VTI1A: variants seen among roughly 807,000 people sequenced by gnomAD.
VTI1A encodes vesicle transport through interaction with t-SNAREs homolog 1A.
In VTI1A, 22 loss-of-function variants were observed where a neutral mutation model predicts 34.9. The observed-to-expected ratio is 0.63, with a 90% confidence interval of 0.45 to 0.90. The LOEUF (loss-of-function observed/expected upper bound fraction) is 0.90. Among genes scored for constraint, VTI1A ranks in the 40% least tolerant of loss-of-function variants. The probability of loss-of-function intolerance (pLI) is 0.00; values close to 1 mark genes in which losing one functional copy is unlikely to be tolerated. For missense variants in VTI1A, 268 were observed against 275.6 expected, an observed-to-expected ratio of 0.97 and a Z score of 0.20; for synonymous variants, 87 against 97.3, an observed-to-expected ratio of 0.89 and a Z score of 0.62.
intron 7 of VTI1A, among the ~76,000 whole-genome samples, chr10:112,798,554 A>G (rs563849871): frequency 6.6e-6 from 1 of 152,244 alleles, no homozygotes; most frequent in East Asian, 1.9e-4. Context: ...CTCCTAATTC[A>G]TGGGTGATTT....
chr10:112,510,756 G>A (rs904151450), intron 3 of VTI1A, among the ~76,000 whole-genome samples: 6 of 152,210 alleles, frequency 3.9e-5, no homozygotes, highest in Non-Finnish European at 1.5e-5. Context: ...ATTTTGAACT[G>A]ATAACTTTGA....
At chr10:112,848,019 A>C in the VTI1A span, among the ~76,000 whole-genome samples, 2 of 152,196 alleles carry the variant, frequency 1.3e-5, no homozygotes, top group Admixed American at 6.5e-5. Flanking sequence ...TGAGAAAAAA[A>C]ATAATAAACT....
intron 5 of VTI1A, among the ~76,000 whole-genome samples, chr10:112,643,716 AACAG>A (rs1846669093): frequency 6.6e-6 from 1 of 152,240 alleles, no homozygotes; most frequent in South Asian, 2.1e-4. Flanking sequence ...TCCAGAGGAA[AACAG>A]ACAAAAACTC....
chr10:112,768,254 C>T (rs764201050), intron 7 of VTI1A, among the ~76,000 whole-genome samples: 38 of 152,266 alleles, frequency 2.5e-4, no homozygotes, highest in Non-Finnish European at 3.7e-4. Flanking sequence ...ACAAGGCTGA[C>T]GAGAAAGAGC....
chr10:112,842,050 C>CTTTTTTTTTTTTTTTTTTTT, the VTI1A span, among the ~76,000 whole-genome samples: 3 of 93,166 alleles, frequency 3.2e-5, no homozygotes, highest in Non-Finnish European at 6.2e-5. Context: ...TTTTTTTTTT[C>CTTTTTTTTTTTTTTTTTTTT]CTTTTTTTTT....
chr10:112,763,609 T>TA (rs1851553677), intron 7 of VTI1A, among the ~76,000 whole-genome samples: 2 of 152,190 alleles, frequency 1.3e-5, no homozygotes, highest in Non-Finnish European at 2.9e-5. Flanking sequence ...GAGAAGTAAA[T>TA]ATAATGGCCT....
intron 7 of VTI1A, among the ~76,000 whole-genome samples, chr10:112,791,735 C>T (rs1203158068): frequency 2.0e-5 from 3 of 151,974 alleles, no homozygotes; most frequent in Non-Finnish European, 4.4e-5. Flanking sequence ...CCACAGCACC[C>T]CCTCACTTTG....
At chr10:112,537,337 A>ATATATATATATATATATATATG (rs1850680748) in intron 4 of VTI1A, among the ~76,000 whole-genome samples, 3 of 136,556 alleles carry the variant, frequency 2.2e-5, no homozygotes, top group Non-Finnish European at 1.6e-5. Context: ...ATATATATAT[A>ATATATATATATATATATATATG]TCTGTATCAG....
In VTI1A at chr10:112,610,346, G is replaced by A. The variant is rs1005394922; in HGVS notation, c.428-57872G>A. 7.9e-5 allele frequency among the ~76,000 whole-genome samples: 12 copies of A among 152,080 alleles called. 1 individual carries two copies. Among genetic ancestry groups the A allele is most frequent in the Admixed American group, 5.2e-4 (8 of 15,288 alleles). On this transcript the variant is annotated intron_variant, in intron 5 of 7. Coordinates refer to ENST00000393077, the MANE Select transcript of VTI1A (RefSeq NM_145206.4). ...GCCCCCAAAATCAATAATCTCTTGA[G>A]CCTTGTAATCTCATTTTCCTTTCAG...
chr10:112,699,641 G>A (rs969610548), intron 7 of VTI1A, among the ~76,000 whole-genome samples: 2 of 151,898 alleles, frequency 1.3e-5, no homozygotes, highest in South Asian at 4.2e-4. Flanking sequence ...GACCGTCCTG[G>A]CCAACATGGT....
chr10:112,773,406 C>A (rs1385669794), intron 7 of VTI1A, among the ~76,000 whole-genome samples: 1 of 152,204 alleles, frequency 6.6e-6, no homozygotes, highest in Non-Finnish European at 1.5e-5. Flanking sequence ...AACTGAACTG[C>A]TGCTTCAGAT....
At chr10:112,814,454 C>T (rs899315723) in intron 7 of VTI1A, among the ~76,000 whole-genome samples, 6 of 152,152 alleles carry the variant, frequency 3.9e-5, no homozygotes, top group Admixed American at 3.3e-4. Flanking sequence ...TTCTGATGTT[C>T]GACCTCTTTT....
At position 112,757,351 on chromosome 10, in the gene VTI1A, A is replaced by ATTTTTTTTTTTTTTTTTTTTTT. The variant is rs1175362768; in HGVS notation, c.561-57928_561-57907dup. 4.9e-5 allele frequency among the ~76,000 whole-genome samples: 2 copies of ATTTTTTTTTTTTTTTTTTTTTT among 40,672 alleles called. 1 individual carries two copies. The highest frequency in any genetic ancestry group is 8.6e-5 in the Non-Finnish European group (2 of 23,250). 26.7% of individuals were successfully genotyped at this position (40,672 alleles called of 152,430 possible). ...CTTTCACCCTTTCTTTGTTGCTGTG[A>ATTTTTTTTTTTTTTTTTTTTTT]TTTTTTTTTTTTTTTTTTTTTTTTT... On this transcript the variant is annotated intron_variant, in intron 7 of 7. Coordinates refer to ENST00000393077, the MANE Select transcript of VTI1A (RefSeq NM_145206.4).
At chr10:112,666,107 G>GA (rs1847631588) in intron 5 of VTI1A, among the ~76,000 whole-genome samples, 1 of 152,144 alleles carries the variant, frequency 6.6e-6, no homozygotes, top group African/African-American at 2.4e-5. Flanking sequence ...TGCAAGAAAA[G>GA]AAAAAAATTC....
At chr10:112,544,577 A>C (rs1210905015) in intron 5 of VTI1A, among the ~76,000 whole-genome samples, 1 of 152,064 alleles carries the variant, frequency 6.6e-6, no homozygotes, top group Non-Finnish European at 1.5e-5. Flanking sequence ...ATTCAAGAGT[A>C]ACGGCACCAG....
At chr10:112,661,765 T>G (rs1159908074) in intron 5 of VTI1A, among the ~76,000 whole-genome samples, 1 of 53,418 alleles carries the variant, frequency 1.9e-5, no homozygotes, top group Non-Finnish European at 3.0e-5. Context: ...TGCTGTTAAG[T>G]TTTTTTTTTT....
chr10:112,517,768 AC>A (rs1288889468), intron 3 of VTI1A, among the ~76,000 whole-genome samples: 2 of 152,094 alleles, frequency 1.3e-5, no homozygotes, highest in Admixed American at 1.3e-4. Context: ...TTTACAAAAT[AC>A]CTGAGCACCA....
chr10:112,507,890 C>T (rs1020792808), intron 3 of VTI1A, among the ~76,000 whole-genome samples: 1 of 152,104 alleles, frequency 6.6e-6, no homozygotes, highest in Non-Finnish European at 1.5e-5. Flanking sequence ...GAGGTTTCCC[C>T]CACTCCACCA....
At chr10:112,752,480 G>A in intron 7 of VTI1A, 1 of 985,394 alleles carries the variant, frequency 1.0e-6, no homozygotes, top group Non-Finnish European at 1.2e-6. Context: ...CTGCATTTCT[G>A]TTGCTCAAAC....
Sources: gnomAD v4.1 joint callset for allele counts (sites outside exome capture counted in the v4.1 genomes callset) on GRCh38, gnomAD v4.1.1 for gene constraint, MANE v1.5 for transcripts, NCBI Gene and HGNC (gene_info 2026-07-23, HGNC 2026-07-21) for gene names.